The following RANBP2 variants were observed in gnomAD, a reference collection of about 807,000 sequenced individuals.
The protein encoded by RANBP2 is E3 SUMO-protein ligase RanBP2.
A neutral mutation model predicts 303.6 loss-of-function variants in RANBP2; 57 were observed. That is an observed-to-expected ratio of 0.19 (90% CI 0.15 to 0.23). The LOEUF is 0.23. RANBP2 is among the 10% of genes least tolerant of loss of function. The probability of loss-of-function intolerance (pLI) is 1.00; values close to 1 mark genes in which losing one functional copy is unlikely to be tolerated. For synonymous variants in RANBP2, 1,167 were observed against 1,301.5 expected, an observed-to-expected ratio of 0.90 and a Z score of 2.23; for missense variants, 3,138 against 3,780.8, an observed-to-expected ratio of 0.83 and a Z score of 4.46.
At chr2:109,228,259 G>A in the RANBP2 span, among the ~76,000 whole-genome samples, 1 of 152,178 alleles carries the variant, frequency 6.6e-6, no homozygotes, top group South Asian at 2.1e-4. Flanking sequence ...TTAGCAGTGC[G>A]TGTCTATCCC....
the RANBP2 span, among the ~76,000 whole-genome samples, chr2:109,430,562 C>T: frequency 6.6e-6 from 1 of 152,016 alleles, no homozygotes; most frequent in Admixed American, 6.5e-5. Context: ...CCCTTTCTTT[C>T]ACCTCTCCCC....
the RANBP2 span, among the ~76,000 whole-genome samples, chr2:109,240,443 G>A: frequency 6.6e-6 from 1 of 152,032 alleles, no homozygotes; most frequent in Non-Finnish European, 1.5e-5. Flanking sequence ...AGCCAAGATC[G>A]CACCTCTGCA....
the RANBP2 span, among the ~76,000 whole-genome samples, chr2:109,220,654 G>A: frequency 6.6e-6 from 1 of 152,154 alleles, no homozygotes; most frequent in South Asian, 2.1e-4. Flanking sequence ...TGGCCAGTAA[G>A]CACATGAAAA....
chr2:108,764,717 C>G lies in RANBP2; in HGVS notation c.4178C>G (p.Thr1393Ser). 1 of 1,614,052 alleles carries G rather than the reference C, an allele frequency of 6.2e-7. No individual in the cohort carries two copies. Among genetic ancestry groups the G allele is most frequent in the Non-Finnish European group, 8.5e-7 (1 of 1,179,974 alleles). ...CTCGTTGGCCCACCATTAGCTGAAA[C>G]TGTTTTTACTCCTAAAACCAGCCCA... ...KELVGPPLAE[T>S]VFTPKTSPEN... Residue 1393 changes from threonine to serine, a missense_variant, in exon 20 of 29, where the codon ACT becomes AGT. Physicochemically the swap from Thr to Ser is moderately conservative, Grantham distance 58. Transcript: ENST00000283195.
chr2:109,239,410 A>G, the RANBP2 span, among the ~76,000 whole-genome samples: 4 of 152,204 alleles, frequency 2.6e-5, no homozygotes, highest in Non-Finnish European at 5.9e-5. Flanking sequence ...AAGAATAAGG[A>G]TACAGTTTTC....
At chr2:109,297,092 G>A in the RANBP2 span, among the ~76,000 whole-genome samples, 5 of 152,154 alleles carry the variant, frequency 3.3e-5, no homozygotes, top group East Asian at 1.9e-4. Context: ...GGGGGTGACC[G>A]GGATGGGAAG....
the RANBP2 span, among the ~76,000 whole-genome samples, chr2:109,140,233 A>C: frequency 6.6e-6 from 1 of 152,166 alleles, no homozygotes; most frequent in Non-Finnish European, 1.5e-5. Context: ...TGGTTGACGC[A>C]CGTGTTTGGA....
At chr2:109,171,908 G>A in the RANBP2 span, among the ~76,000 whole-genome samples, 1 of 152,246 alleles carries the variant, frequency 6.6e-6, no homozygotes, top group African/African-American at 2.4e-5. Flanking sequence ...CCCATAAAGG[G>A]CATGCATGTG....
At chr2:109,389,158 G>T in the RANBP2 span, among the ~76,000 whole-genome samples, 1 of 152,216 alleles carries the variant, frequency 6.6e-6, no homozygotes, top group African/African-American at 2.4e-5. Context: ...GAGCGTACCT[G>T]CAGACACACA....
At chr2:109,641,522 T>C in the RANBP2 span, among the ~76,000 whole-genome samples, 12 of 152,144 alleles carry the variant, frequency 7.9e-5, no homozygotes, top group Non-Finnish European at 1.3e-4. Flanking sequence ...ATTACACTTA[T>C]ATGAGGAGCC....
At chr2:109,418,210 G>A in the RANBP2 span, among the ~76,000 whole-genome samples, 4 of 152,118 alleles carry the variant, frequency 2.6e-5, no homozygotes, top group Middle Eastern at 3.4e-3. Flanking sequence ...AGGCCTACAC[G>A]GGATCCTAGA....
the RANBP2 span, chr2:109,432,730 C>A: frequency 8.4e-6 from 13 of 1,551,128 alleles, no homozygotes; most frequent in East Asian, 2.3e-5. Context: ...CACGCCTTAC[C>A]GCTGTTGTTA....
chr2:109,436,631 A>G, the RANBP2 span, among the ~76,000 whole-genome samples: 23 of 152,220 alleles, frequency 1.5e-4, no homozygotes, highest in Non-Finnish European at 2.5e-4. Context: ...GGTATAAAAG[A>G]TTTCGTTCAG....
At chr2:109,101,278 G>C in the RANBP2 span, among the ~76,000 whole-genome samples, 2 of 152,152 alleles carry the variant, frequency 1.3e-5, no homozygotes, top group African/African-American at 4.8e-5. Context: ...TGTAATCCCA[G>C]CACTTTGAGA....
At chr2:109,566,801 G>A in the RANBP2 span, among the ~76,000 whole-genome samples, 2 of 152,152 alleles carry the variant, frequency 1.3e-5, no homozygotes, top group Admixed American at 1.3e-4. Flanking sequence ...AGGTTCAGGG[G>A]CAGGGAGTAG....
At chr2:109,642,576 C>T in the RANBP2 span, among the ~76,000 whole-genome samples, 1 of 151,414 alleles carries the variant, frequency 6.6e-6, no homozygotes, top group Admixed American at 6.6e-5. Flanking sequence ...GGTGAAACCC[C>T]GTCTCTACTA....
the RANBP2 span, among the ~76,000 whole-genome samples, chr2:109,300,355 T>C: frequency 6.6e-6 from 1 of 152,104 alleles, no homozygotes; most frequent in Admixed American, 6.5e-5. Flanking sequence ...AATTTTTGTA[T>C]TTTTAGTAGA....
At chr2:108,951,355 A>G in the RANBP2 span, among the ~76,000 whole-genome samples, 1 of 152,244 alleles carries the variant, frequency 6.6e-6, no homozygotes, top group East Asian at 1.9e-4. Context: ...CTGAACCATC[A>G]GTTATTTCTG....
At chr2:109,691,429 C>T in the RANBP2 span, among the ~76,000 whole-genome samples, 6 of 152,148 alleles carry the variant, frequency 3.9e-5, no homozygotes, top group Non-Finnish European at 8.8e-5. Flanking sequence ...GGTCTCTGAG[C>T]TCACTCAGGC....
Sources: allele counts gnomAD v4.1 joint callset (sites outside exome capture counted in the v4.1 genomes callset), GRCh38; gene constraint gnomAD v4.1.1; transcripts MANE v1.5; gene names NCBI Gene and HGNC (gene_info 2026-07-23, HGNC 2026-07-21).